Variants in PDS5A observed in about 807,000 individuals in gnomAD.
PDS5A encodes sister chromatid cohesion protein PDS5 homolog A.
In PDS5A, 42 loss-of-function variants were observed where a neutral mutation model predicts 167.1. That is an observed-to-expected ratio of 0.25 (90% CI 0.20 to 0.33). The LOEUF is 0.33. Ranked by LOEUF, PDS5A falls within the 10% of genes least tolerant of loss-of-function variation. PDS5A has a pLI of 1.00. For missense variants in PDS5A, 1,033 were observed against 1,605.9 expected (o/e 0.64, Z 6.10); for synonymous variants, 553 against 554.6 (o/e 1.00, Z 0.04).
At chr4:39,898,563 GAA>G (rs533091119) in intron 15 of PDS5A, 35 bp from the exon 16 acceptor site, 76 of 1,028,204 alleles carry the variant, frequency 7.4e-5, no homozygotes, top group East Asian at 1.6e-4. Context: ...ATTAGAGAAG[GAA>G]AAAAAAAAAA....
At position 39,908,623 on chromosome 4, in the gene PDS5A, TAA is replaced by T. The variant is rs1445511485; in HGVS notation, c.1088-85_1088-84del. On this transcript the variant is annotated intron_variant, in intron 10 of 32. Transcript: ENST00000303538. ...TAGAATGGCAAGAACAGAAATATGT[TAA>T]GTTTTTGTCCATACTAAAGCAATGT... 4 of 839,278 alleles carry T rather than the reference TAA, an allele frequency of 4.8e-6. No individual in the cohort carries two copies. In the African/African-American group the frequency reaches 5.1e-5, roughly 11 times the overall value. The allele number at this position is 839,278 out of a possible 1,614,324, so 52.0% of individuals were successfully genotyped here. A position where few individuals can be genotyped will look rare whatever the true frequency, so the allele number is the denominator to read the frequency against.
chr4:39,854,772 A>G (rs1230041444), intron 26 of PDS5A, among the ~76,000 whole-genome samples: 4 of 152,212 alleles, frequency 2.6e-5, no homozygotes, highest in African/African-American at 7.2e-5. Context: ...AACTTAGCGT[A>G]CCTGGCACAT....
chr4:39,884,820 G>A (rs1362396967), intron 17 of PDS5A, among the ~76,000 whole-genome samples: 10 of 152,130 alleles, frequency 6.6e-5, no homozygotes, highest in Non-Finnish European at 1.3e-4. Flanking sequence ...CTGGGTTCCA[G>A]CCATCATTAC....
intron 28 of PDS5A, 56 bp downstream of exon 28, chr4:39,848,795 T>C: frequency 7.0e-7 from 1 of 1,431,910 alleles, no homozygotes; most frequent in South Asian, 1.2e-5. Flanking sequence ...TGGTTGATGG[T>C]AATTGACATT....
At chr4:39,944,292 T>C in intron 2 of PDS5A, among the ~76,000 whole-genome samples, 1 of 152,098 alleles carries the variant, frequency 6.6e-6, no homozygotes. Context: ...CAAACACGAT[T>C]CTTAAAAATT....
chr4:39,963,919 T>C (rs12504275), intron 2 of PDS5A, among the ~76,000 whole-genome samples: 34,887 of 151,484 alleles, frequency 0.23, 4,871 homozygotes, highest in Middle Eastern at 0.34. Context: ...AGCTTTTTTT[T>C]CCCCCCCAGA....
chr4:39,859,453 CATT>C (rs1253453596), intron 26 of PDS5A, among the ~76,000 whole-genome samples: 1 of 152,060 alleles, frequency 6.6e-6, no homozygotes, highest in Non-Finnish European at 1.5e-5. Flanking sequence ...CCATGAAAAA[CATT>C]AGTTGGAACT....
intron 31 of PDS5A, among the ~76,000 whole-genome samples, chr4:39,839,486 T>A (rs923836440): frequency 3.9e-5 from 6 of 151,948 alleles, no homozygotes; most frequent in African/African-American, 1.5e-4. Flanking sequence ...GGAGAATGGT[T>A]TGAACCCAGG....
intron 2 of PDS5A, 136 bp from the exon 3 acceptor site, chr4:39,928,300 A>G (rs1725649569): frequency 1.7e-6 from 1 of 594,232 alleles, no homozygotes; most frequent in Admixed American, 3.1e-5. Context: ...AACTTTTTAT[A>G]AATCTTCATT....
At chr4:39,893,721 T>C (rs984106352) in intron 16 of PDS5A, among the ~76,000 whole-genome samples, 3 of 152,216 alleles carry the variant, frequency 2.0e-5, no homozygotes, top group Admixed American at 2.0e-4. Context: ...AGGTTTGTTT[T>C]CATGTGTGCC....
chr4:39,906,917 T>TAAAAAAAAAAAAAAA (rs1191690836), intron 11 of PDS5A, among the ~76,000 whole-genome samples: 2 of 54,030 alleles, frequency 3.7e-5, no homozygotes, highest in African/African-American at 1.2e-4. Context: ...ATTTCTTACA[T>TAAAAAAAAAAAAAAA]AAAAAAAAAA....
intron 10 of PDS5A, among the ~76,000 whole-genome samples, chr4:39,909,121 A>G (rs1334637646): frequency 1.3e-5 from 2 of 151,064 alleles, no homozygotes; most frequent in African/African-American, 4.9e-5. Context: ...CTTTTTTTTA[A>G]TTTTTATTTT....
intron 17 of PDS5A, among the ~76,000 whole-genome samples, chr4:39,880,911 T>C (rs115355305): frequency 0.013 from 2,002 of 152,280 alleles, 18 homozygotes; most frequent in Non-Finnish European, 0.019. Flanking sequence ...TGTGATTTTG[T>C]ATCCTTTTTT....
intron 18 of PDS5A, among the ~76,000 whole-genome samples, chr4:39,878,195 A>T (rs928785406): frequency 6.6e-6 from 1 of 152,204 alleles, no homozygotes; most frequent in Non-Finnish European, 1.5e-5. Context: ...ATGGTCATTA[A>T]GTGTAGACAC....
At position 39,954,741 on chromosome 4, in the gene PDS5A, C is replaced by T. The variant is rs114532316; in HGVS notation, c.138+21699G>A. ...AAACGCTAAAGCTATCAGACAGAGA[C>T]GTTAAAATAACTATGAGGCCAGGCA... is the stretch of plus-strand genomic sequence containing the variant. On this transcript the variant is annotated intron_variant, in intron 2 of 32. Transcript: ENST00000303538. Among the ~76,000 whole-genome samples the T allele has an allele frequency of 4.5e-3, 664 of 146,022 alleles. 8 individuals are homozygous for T. Among genetic ancestry groups the T allele is most frequent in the African/African-American group, 0.016 (626 of 39,218 alleles).
At chr4:39,828,355 T>A (rs780920255) in intron 32 of PDS5A, among the ~76,000 whole-genome samples, 1 of 152,234 alleles carries the variant, frequency 6.6e-6, no homozygotes, top group Non-Finnish European at 1.5e-5. Context: ...TTCCTCTCTC[T>A]GTTTTGGTGG....
At chr4:39,890,916 G>A (rs1430055215) in intron 16 of PDS5A, among the ~76,000 whole-genome samples, 1 of 151,746 alleles carries the variant, frequency 6.6e-6, no homozygotes, top group African/African-American at 2.4e-5. Flanking sequence ...CACACACCTG[G>A]ACTATGGCAA....
chr4:39,943,222 C>A (rs183690715), intron 2 of PDS5A, among the ~76,000 whole-genome samples: 89 of 150,868 alleles, frequency 5.9e-4, no homozygotes, highest in Admixed American at 4.5e-3. Context: ...ATTAATAAAG[C>A]AACAAAGACA....
intron 2 of PDS5A, among the ~76,000 whole-genome samples, chr4:39,940,052 G>A (rs2109764025): frequency 6.6e-6 from 1 of 152,190 alleles, no homozygotes; most frequent in South Asian, 2.1e-4. Context: ...GAAGTCAGGA[G>A]TTTAAGATGG....
Sources: gnomAD v4.1 joint callset for allele counts (sites outside exome capture counted in the v4.1 genomes callset) on GRCh38, gnomAD v4.1.1 for gene constraint, MANE v1.5 for transcripts, NCBI Gene and HGNC (gene_info 2026-07-23, HGNC 2026-07-21) for gene names.